SEMA6A: variants seen among roughly 807,000 people sequenced by gnomAD.
SEMA6A encodes semaphorin-6A.
Under a neutral mutation model 96.8 loss-of-function variants are expected in SEMA6A, and 25 were observed. The ratio of observed to expected loss-of-function variants is 0.26; its 90% confidence interval spans 0.19 to 0.36. SEMA6A has a LOEUF of 0.36. Among genes scored for constraint, SEMA6A ranks in the 10% least tolerant of loss-of-function variants. The pLI, the probability that SEMA6A is intolerant of heterozygous loss-of-function variation, is 1.00. For synonymous variants in SEMA6A, 612 were observed against 518.0 expected (o/e 1.18, Z -2.46); for missense variants, 1,363 against 1,323.1 (o/e 1.03, Z -0.47).
intron 1 of SEMA6A, among the ~76,000 whole-genome samples, chr5:116,569,017 G>A (rs1426658001): frequency 1.3e-5 from 2 of 152,228 alleles, no homozygotes; most frequent in African/African-American, 2.4e-5. Context: ...GATGGCCCAT[G>A]ATGTGCCAGG....
intron 15 of SEMA6A, among the ~76,000 whole-genome samples, chr5:116,476,915 GT>G (rs1010032084): frequency 6.6e-6 from 1 of 152,202 alleles, no homozygotes; most frequent in Non-Finnish European, 1.5e-5. Flanking sequence ...CATCAGCTCT[GT>G]TTACGAGAGT....
rs542333247 is a variant in SEMA6A, at chr5:116,516,912, A to G, written c.-38-11930T>C. ...CAGAACAGTCCTGTTCTTTGGCAGCATCTGGAGGAATCATTTTGGTGTTCA... is the reference window on the plus strand; with the variant it reads ...CAGAACAGTCCTGTTCTTTGGCAGCGTCTGGAGGAATCATTTTGGTGTTCA... On this transcript the variant is annotated intron_variant, in intron 1 of 18. Transcript: ENST00000343348. 2.6e-5 allele frequency among the ~76,000 whole-genome samples: 4 copies of G among 152,312 alleles called. No individual in the cohort carries two copies. In the East Asian group the frequency reaches 5.8e-4, roughly 22 times the overall value.
chr5:116,471,102 A>G (rs1312465709), intron 17 of SEMA6A: 2 of 152,334 alleles, frequency 1.3e-5, no homozygotes, highest in African/African-American at 2.4e-5. Flanking sequence ...TTGATGGTCA[A>G]TTAATCATCT....
At chr5:116,524,123 C>G (rs893897675) in intron 1 of SEMA6A, among the ~76,000 whole-genome samples, 1 of 152,164 alleles carries the variant, frequency 6.6e-6, no homozygotes, top group African/African-American at 2.4e-5. Context: ...CAAAGTATTT[C>G]TAATGCAAAC....
chr5:116,446,244 T>G lies in SEMA6A; in HGVS notation c.*369A>C, dbSNP rs1039234548. ...CAGTTTCTGTTCACCTCTGTGCGTG[T>G]GTGTGTATGTGTTGTGTGCATGTGT... On this transcript the variant is annotated 3_prime_UTR_variant, in exon 19 of 19. Coordinates refer to ENST00000343348, the MANE Select transcript of SEMA6A (RefSeq NM_020796.5). 1.1e-5 allele frequency: 2 copies of G among 184,762 alleles called. No homozygotes were observed. The highest frequency in any genetic ancestry group is 1.1e-5 in the Non-Finnish European group (1 of 92,254). The allele number at this position is 184,762 out of a possible 1,614,324, so 11.4% of individuals were successfully genotyped here. A position where few individuals can be genotyped will look rare whatever the true frequency, so the allele number is the denominator to read the frequency against.
At chr5:116,491,656 T>G in intron 7 of SEMA6A, 84 bp downstream of exon 7, 1 of 987,722 alleles carries the variant, frequency 1.0e-6, no homozygotes, top group Non-Finnish European at 1.6e-6. Context: ...CAACTGTGAC[T>G]CCACGAATCC....
intron 1 of SEMA6A, among the ~76,000 whole-genome samples, chr5:116,516,391 C>T (rs961006975): frequency 3.9e-5 from 6 of 152,072 alleles, no homozygotes; most frequent in Admixed American, 3.3e-4. Context: ...AAATTCATTT[C>T]GTTTATCCGA....
intron 1 of SEMA6A, among the ~76,000 whole-genome samples, chr5:116,564,757 C>T (rs537582962): frequency 2.0e-5 from 3 of 152,120 alleles, no homozygotes; most frequent in Non-Finnish European, 4.4e-5. Context: ...GAAAAATGTT[C>T]ATATACTATT....
Position 116,497,394 on chromosome 5 carries a change from G to A in SEMA6A, c.219-7C>T, listed in dbSNP as rs148664380. 0.013 allele frequency: 20,630 copies of A among 1,564,308 alleles called. 179 individuals are homozygous for A. The highest frequency in any genetic ancestry group is 0.016 in the Non-Finnish European group (18,001 of 1,139,844). Reference sequence around the variant, plus strand: ...AACAGTATAAATATGGTCCCTATAGGCAAAGAAAAATTAATACAAGGTCAA... The same window carrying A: ...AACAGTATAAATATGGTCCCTATAGACAAAGAAAAATTAATACAAGGTCAA... On this transcript the variant is annotated splice_polypyrimidine_tract_variant and splice_region_variant and intron_variant, in intron 3 of 18. Coordinates refer to ENST00000343348, the MANE Select transcript of SEMA6A (RefSeq NM_020796.5).
chr5:116,457,056 T>A (rs1755058432), intron 18 of SEMA6A, among the ~76,000 whole-genome samples: 2 of 152,148 alleles, frequency 1.3e-5, no homozygotes, highest in South Asian at 4.1e-4. Context: ...AGCACAACAG[T>A]TCACTCAACA....
At chr5:116,478,344 ATATG>A (rs1756573580) in intron 13 of SEMA6A, 190 bp from the exon 14 acceptor site, 1 of 751,640 alleles carries the variant, frequency 1.3e-6, no homozygotes, top group Non-Finnish European at 2.1e-6. Context: ...ACACACACAT[ATATG>A]TATCTATATA....
chr5:116,570,949 A>G (rs970570040), intron 1 of SEMA6A, among the ~76,000 whole-genome samples: 9 of 152,224 alleles, frequency 5.9e-5, no homozygotes, highest in African/African-American at 1.9e-4. Flanking sequence ...AGACTTCACT[A>G]GTGCAATGTT....
intron 1 of SEMA6A, among the ~76,000 whole-genome samples, chr5:116,536,866 TAAAAAAA>T (rs72214884): frequency 0.049 from 3,409 of 69,594 alleles, 211 homozygotes; most frequent in African/African-American, 0.15. Flanking sequence ...TGTGATTTCT[TAAAAAAA>T]AAAAAAAAAA....
At chr5:116,549,693 G>GT (rs1760320766) in intron 1 of SEMA6A, among the ~76,000 whole-genome samples, 1 of 152,094 alleles carries the variant, frequency 6.6e-6, no homozygotes, top group Non-Finnish European at 1.5e-5. Flanking sequence ...TGCCATATCA[G>GT]TACTTTTCTG....
At chr5:116,449,251 T>C (rs1239721563) in intron 18 of SEMA6A, 3 of 700,648 alleles carry the variant, frequency 4.3e-6, no homozygotes, top group South Asian at 3.0e-5. Flanking sequence ...TTAGAGGCAC[T>C]GCATGGGCTG....
intron 1 of SEMA6A, among the ~76,000 whole-genome samples, chr5:116,562,003 T>C (rs1760835644): frequency 1.3e-5 from 2 of 152,174 alleles, no homozygotes; most frequent in South Asian, 4.1e-4. Context: ...TGTTACCTTT[T>C]CTCTTGGCTA....
chr5:116,520,694 T>G (rs971970100), intron 1 of SEMA6A, among the ~76,000 whole-genome samples: 3 of 152,158 alleles, frequency 2.0e-5, no homozygotes, highest in Non-Finnish European at 4.4e-5. Context: ...ACACATGGAC[T>G]AGCCTACCTA....
intron 1 of SEMA6A, among the ~76,000 whole-genome samples, chr5:116,518,767 G>C (rs1341384169): frequency 2.0e-5 from 3 of 152,226 alleles, no homozygotes; most frequent in African/African-American, 7.2e-5. Context: ...GGGAAGCAGA[G>C]AGGTCAACCT....
chr5:116,549,400 C>A (rs1466191711), intron 1 of SEMA6A, among the ~76,000 whole-genome samples: 1 of 152,134 alleles, frequency 6.6e-6, no homozygotes, highest in Non-Finnish European at 1.5e-5. Context: ...GAAGACCAGA[C>A]TACCATAAAG....
Sources: allele counts gnomAD v4.1 joint callset (sites outside exome capture counted in the v4.1 genomes callset), GRCh38; gene constraint gnomAD v4.1.1; transcripts MANE v1.5; gene names NCBI Gene and HGNC (gene_info 2026-07-23, HGNC 2026-07-21).